NPAS3: variants seen among roughly 807,000 people sequenced by gnomAD.
NPAS3 encodes neuronal PAS domain protein 3.
A neutral mutation model predicts 73.1 loss-of-function variants in NPAS3; 14 were observed. That is an observed-to-expected ratio of 0.19 (90% CI 0.13 to 0.30). NPAS3 has a LOEUF of 0.30. Ranked by LOEUF, NPAS3 falls within the 10% of genes least tolerant of loss-of-function variation. The pLI is 1.00. For missense variants in NPAS3, 1,096 were observed against 1,250.0 expected (o/e 0.88, Z 1.86); for synonymous variants, 620 against 541.5 (o/e 1.14, Z -2.01).
In NPAS3 at chr14:33,121,173, C is replaced by T. The variant is rs145633296; in HGVS notation, c.140+65179C>T. ...CCCAAAATCATACCAAGTGACTCAT[C>T]ATGCCCTGAGCACATTGTATTCTTT... is the stretch of plus-strand genomic sequence containing the variant. On this transcript the variant is annotated intron_variant, in intron 2 of 11. Coordinates refer to ENST00000356141, the Ensembl canonical transcript of NPAS3. Among the ~76,000 whole-genome samples the T allele has an allele frequency of 1.6e-4, 25 of 152,234 alleles. No individual in the cohort carries two copies. In the East Asian group the frequency reaches 4.7e-3, roughly 28 times the overall value.
At chr14:33,018,936 T>TAA (rs74420397) in intron 1 of NPAS3, among the ~76,000 whole-genome samples, 8 of 147,970 alleles carry the variant, frequency 5.4e-5, no homozygotes, top group Middle Eastern at 6.8e-3. Context: ...TGCAAATTTA[T>TAA]AAAAAAAAAA....
chr14:33,313,781 C>G (rs948020734), intron 3 of NPAS3, among the ~76,000 whole-genome samples: 4 of 152,010 alleles, frequency 2.6e-5, no homozygotes, highest in Non-Finnish European at 4.4e-5. Context: ...AAGTATCATA[C>G]CAGAGAATCA....
At chr14:33,327,971 T>C (rs1165117313) in intron 3 of NPAS3, among the ~76,000 whole-genome samples, 4 of 152,198 alleles carry the variant, frequency 2.6e-5, no homozygotes, top group African/African-American at 4.8e-5. Flanking sequence ...TCTAGCCACA[T>C]TGTAAAACCA....
intron 1 of NPAS3, among the ~76,000 whole-genome samples, chr14:33,009,491 A>C (rs2039115883): frequency 6.6e-6 from 1 of 152,154 alleles, no homozygotes; most frequent in Non-Finnish European, 1.5e-5. Context: ...TTAGGCATCT[A>C]TTTGGAAGAA....
intron 2 of NPAS3, among the ~76,000 whole-genome samples, chr14:33,099,998 C>A (rs912296876): frequency 6.6e-6 from 1 of 152,094 alleles, no homozygotes; most frequent in African/African-American, 2.4e-5. Flanking sequence ...AAAGAATGAA[C>A]AAGTCTTGGT....
intron 4 of NPAS3, among the ~76,000 whole-genome samples, chr14:33,449,247 A>G (rs1198423520): frequency 6.6e-6 from 1 of 152,154 alleles, no homozygotes; most frequent in Admixed American, 6.5e-5. Flanking sequence ...CCATCCTCAT[A>G]TTTTAGGAGT....
At chr14:33,711,397 G>C (rs192453627) in intron 6 of NPAS3, among the ~76,000 whole-genome samples, 2 of 152,086 alleles carry the variant, frequency 1.3e-5, no homozygotes, top group Admixed American at 1.3e-4. Context: ...TTTAAAATGC[G>C]ACCGGACAAT....
intron 7 of NPAS3, among the ~76,000 whole-genome samples, chr14:33,767,642 T>G (rs1392836035): frequency 7.0e-6 from 1 of 143,750 alleles, no homozygotes; most frequent in Non-Finnish European, 1.5e-5. Context: ...TTCGTTCCCC[T>G]AGTCGCCTAG....
chr14:33,282,749 G>T (rs2041679436), intron 3 of NPAS3, among the ~76,000 whole-genome samples: 1 of 152,140 alleles, frequency 6.6e-6, no homozygotes, highest in Admixed American at 6.5e-5. Context: ...ATAGGCTGGT[G>T]GGACTGCAGC....
chr14:33,433,113 GA>G (rs1040889122), intron 4 of NPAS3, among the ~76,000 whole-genome samples: 2 of 152,130 alleles, frequency 1.3e-5, no homozygotes, highest in Non-Finnish European at 2.9e-5. Flanking sequence ...TACATTTTAA[GA>G]AACTTGCAAA....
chr14:33,167,913 A>G (rs989816793), intron 2 of NPAS3, among the ~76,000 whole-genome samples: 2 of 152,212 alleles, frequency 1.3e-5, no homozygotes, highest in Non-Finnish European at 1.5e-5. Flanking sequence ...AGGCAGCTTT[A>G]GGAAAATTCC....
intron 1 of NPAS3, among the ~76,000 whole-genome samples, chr14:32,992,931 A>G (rs915006635): frequency 6.6e-6 from 1 of 151,984 alleles, no homozygotes; most frequent in Non-Finnish European, 1.5e-5. Flanking sequence ...AAGGCAGGTG[A>G]ATCACCTGAG....
intron 3 of NPAS3, among the ~76,000 whole-genome samples, chr14:33,228,700 TC>T (rs1258944157): frequency 1.3e-5 from 2 of 152,112 alleles, no homozygotes; most frequent in African/African-American, 4.8e-5. Context: ...AACCATCTCC[TC>T]TAGGAGTTTA....
chr14:33,548,624 A>G (rs1408123974), intron 4 of NPAS3, among the ~76,000 whole-genome samples: 1 of 152,240 alleles, frequency 6.6e-6, no homozygotes, highest in Non-Finnish European at 1.5e-5. Context: ...AAAGCAGTTT[A>G]CCCAGCGATT....
At chr14:33,291,220 T>A (rs1444234218) in intron 3 of NPAS3, among the ~76,000 whole-genome samples, 1 of 152,310 alleles carries the variant, frequency 6.6e-6, no homozygotes, top group Middle Eastern at 3.4e-3. Flanking sequence ...TATCAGCTTC[T>A]GTTTAGATAA....
chr14:33,120,322 C>T (rs976687362), intron 2 of NPAS3, among the ~76,000 whole-genome samples: 21 of 152,034 alleles, frequency 1.4e-4, no homozygotes, highest in Admixed American at 8.5e-4. Flanking sequence ...ATACGATTAC[C>T]GGAACCAACT....
At chr14:33,395,332 G>A (rs1951382) in intron 4 of NPAS3, among the ~76,000 whole-genome samples, 63,628 of 151,694 alleles carry the variant, frequency 0.42, 14,580 homozygotes, top group African/African-American at 0.61. Context: ...CAGAAGCATA[G>A]CTGTTAATTT....
intron 2 of NPAS3, among the ~76,000 whole-genome samples, chr14:33,065,329 C>T (rs17457610): frequency 0.25 from 37,238 of 151,886 alleles, 4,772 homozygotes; most frequent in Non-Finnish European, 0.28. Flanking sequence ...AAAAGTTAAA[C>T]GATTAGATGG....
intron 3 of NPAS3, among the ~76,000 whole-genome samples, chr14:33,290,079 A>G (rs963964852): frequency 1.3e-5 from 2 of 152,182 alleles, no homozygotes; most frequent in African/African-American, 2.4e-5. Context: ...CAGGAAAATG[A>G]TAGACTCAAT....
Sources: allele counts gnomAD v4.1 joint callset (sites outside exome capture counted in the v4.1 genomes callset), GRCh38; gene constraint gnomAD v4.1.1; transcripts MANE v1.5; gene names NCBI Gene and HGNC (gene_info 2026-07-23, HGNC 2026-07-21).